The following RELL1 variants were observed in gnomAD, a reference collection of about 807,000 sequenced individuals.
RELL1 encodes RELT like 1.
A neutral mutation model predicts 23.0 loss-of-function variants in RELL1; 10 were observed. That is an observed-to-expected ratio of 0.43 (90% CI 0.27 to 0.74). The LOEUF is 0.74. RELL1 is among the 30% of genes least tolerant of loss of function. RELL1 has a pLI of 0.19. For synonymous variants in RELL1, 146 were observed against 146.8 expected (o/e 0.99, Z 0.04); for missense variants, 315 against 364.4 (o/e 0.86, Z 1.10).
rs552936557 is a variant in RELL1 at position 37,644,501 on chromosome 4, G to A, written c.385+2867C>T. Among the ~76,000 whole-genome samples, 328 of 143,998 alleles carry A rather than the reference G, an allele frequency of 2.3e-3. 2 individuals carry two copies. Among genetic ancestry groups the A allele is most frequent in the African/African-American group, 7.8e-3 (307 of 39,232 alleles). The allele number at this position is 143,998 out of a possible 152,430, so 94.5% of individuals were successfully genotyped here. On this transcript the variant is annotated intron_variant, in intron 3 of 6. Coordinates refer to ENST00000454158, the MANE Select transcript of RELL1 (RefSeq NM_001085400.2). Reference sequence around the variant, plus strand: ...TTTTGAGACAGAGTCTCACTCTGTCGCCCAGGCTGGAGTGCAGTGACAGTG... The same window carrying A: ...TTTTGAGACAGAGTCTCACTCTGTCACCCAGGCTGGAGTGCAGTGACAGTG...
At chr4:37,648,830 T>C (rs967282843) in intron 2 of RELL1, among the ~76,000 whole-genome samples, 4 of 152,260 alleles carry the variant, frequency 2.6e-5, no homozygotes, top group African/African-American at 9.6e-5. Context: ...TATTCGAATC[T>C]GATTCCATAA....
At chr4:37,659,465 G>A (rs182703348) in intron 1 of RELL1, among the ~76,000 whole-genome samples, 10 of 152,294 alleles carry the variant, frequency 6.6e-5, no homozygotes, top group South Asian at 6.2e-4. Flanking sequence ...ACAGAATGGC[G>A]GGGAAATGGC....
intron 1 of RELL1, among the ~76,000 whole-genome samples, chr4:37,664,372 CAA>C (rs11286230): frequency 3.0e-4 from 41 of 134,482 alleles, no homozygotes; most frequent in African/African-American, 4.3e-4. Flanking sequence ...GACTCCATCT[CAA>C]AAAAAAAAAA....
intron 1 of RELL1, among the ~76,000 whole-genome samples, chr4:37,677,309 CACTT>C (rs1174266674): frequency 6.6e-6 from 1 of 152,236 alleles, no homozygotes; most frequent in Non-Finnish European, 1.5e-5. Context: ...GAAAGACACT[CACTT>C]AAGTCCTGGC....
chr4:37,605,291 G>A lies in RELL1; in HGVS notation c.*4-14074C>T, dbSNP rs113398208. ...TGTGTGTACAGGGGGCCTAGTAGCT[G>A]TGACATCCCAGCATCAATGAGGACA... On this transcript the variant is annotated intron_variant, in intron 6 of 6. Transcript: ENST00000314117. 2.4e-4 allele frequency among the ~76,000 whole-genome samples: 36 copies of A among 152,262 alleles called. 2 individuals are homozygous for A. The highest frequency in any genetic ancestry group is 8.7e-4 in the African/African-American group (36 of 41,552).
intron 6 of RELL1, among the ~76,000 whole-genome samples, chr4:37,604,533 CAAA>C (rs1719101532): frequency 2.0e-5 from 3 of 149,020 alleles, no homozygotes; most frequent in Non-Finnish European, 3.0e-5. Context: ...ACGCACACTC[CAAA>C]TCAGAATCCT....
At chr4:37,674,475 G>C (rs1721949999) in intron 1 of RELL1, among the ~76,000 whole-genome samples, 1 of 152,148 alleles carries the variant, frequency 6.6e-6, no homozygotes, top group Non-Finnish European at 1.5e-5. Context: ...TTTGGTGGTT[G>C]TTCTGTGTTT....
intron 6 of RELL1, chr4:37,622,920 T>C: frequency 2.3e-6 from 1 of 429,900 alleles, no homozygotes; most frequent in Non-Finnish European, 4.6e-6. Context: ...CTCTCCTGCC[T>C]CAGCCTCCCG....
At chr4:37,673,814 T>C (rs970456383) in intron 1 of RELL1, among the ~76,000 whole-genome samples, 1 of 152,180 alleles carries the variant, frequency 6.6e-6, no homozygotes. Context: ...TGTTGTCCCC[T>C]ATCCTCCGCA....
intron 6 of RELL1, among the ~76,000 whole-genome samples, chr4:37,593,516 T>C (rs1425413735): frequency 1.4e-5 from 2 of 141,398 alleles, no homozygotes; most frequent in African/African-American, 5.0e-5. Flanking sequence ...CCCCACTCAC[T>C]CTCTATTAAG....
chr4:37,594,831 AGAAT>A (rs990194462), intron 6 of RELL1, among the ~76,000 whole-genome samples: 20 of 152,268 alleles, frequency 1.3e-4, no homozygotes, highest in African/African-American at 4.6e-4. Flanking sequence ...GGCCTTAGAA[AGAAT>A]GAATGAGACA....
rs1560359444 is a variant in RELL1, at chr4:37,673,197, T to TTTTTTC, written c.88+13002_88+13003insGAAAAA. ...TATACTTTTTTTTTCTTTTTTTTTT[T>TTTTTTC]TTTTTTTTTTGAGACAGGGTTTCAC... On this transcript the variant is annotated intron_variant, in intron 1 of 6. Coordinates refer to ENST00000454158, the MANE Select transcript of RELL1 (RefSeq NM_001085400.2). 3.4e-5 allele frequency among the ~76,000 whole-genome samples: 4 copies of TTTTTTC among 116,372 alleles called. 1 individual carries two copies. The highest frequency in any genetic ancestry group is 4.9e-4 in the East Asian group (2 of 4,088). The allele number at this position is 116,372 out of a possible 152,430, so 76.3% of individuals were successfully genotyped here.
intron 1 of RELL1, among the ~76,000 whole-genome samples, chr4:37,684,428 T>A (rs537168464): frequency 1.3e-5 from 2 of 152,142 alleles, no homozygotes; most frequent in African/African-American, 4.8e-5. Context: ...TGGGTGTTGC[T>A]CAGAGGTCAA....
chr4:37,632,096 A>AAC (rs1720160193), intron 5 of RELL1, among the ~76,000 whole-genome samples: 1 of 150,270 alleles, frequency 6.7e-6, no homozygotes, highest in Non-Finnish European at 1.5e-5. Flanking sequence ...AAAAAAAAAA[A>AAC]AAAAAAAAAA....
At chr4:37,662,503 G>A (rs1377463228) in intron 1 of RELL1, among the ~76,000 whole-genome samples, 1 of 151,274 alleles carries the variant, frequency 6.6e-6, no homozygotes, top group East Asian at 1.9e-4. Flanking sequence ...GGGGCACTCA[G>A]AGCATTCCTG....
intron 1 of RELL1, among the ~76,000 whole-genome samples, chr4:37,668,891 G>A (rs1456036130): frequency 2.7e-5 from 4 of 150,254 alleles, no homozygotes; most frequent in East Asian, 2.0e-4. Context: ...TGTGAGGAGC[G>A]TCTCTGCCCG....
At chr4:37,652,447 C>G (rs1720980396) in intron 1 of RELL1, among the ~76,000 whole-genome samples, 1 of 152,188 alleles carries the variant, frequency 6.6e-6, no homozygotes, top group African/African-American at 2.4e-5. Context: ...TTTATTTAAT[C>G]CCTTTTATGG....
chr4:37,659,772 G>A (rs549244295), intron 1 of RELL1, among the ~76,000 whole-genome samples: 27 of 151,776 alleles, frequency 1.8e-4, no homozygotes, highest in East Asian at 9.7e-4. Flanking sequence ...ATGAAGACAC[G>A]AGCCCATCCT....
At chr4:37,636,156 G>A (rs748039225) in intron 4 of RELL1, among the ~76,000 whole-genome samples, 1 of 152,190 alleles carries the variant, frequency 6.6e-6, no homozygotes, top group Non-Finnish European at 1.5e-5. Context: ...CTGCAAATAA[G>A]TGCTGGATCT....
Sources: allele counts gnomAD v4.1 joint callset (sites outside exome capture counted in the v4.1 genomes callset), GRCh38; gene constraint gnomAD v4.1.1; transcripts MANE v1.5; gene names NCBI Gene and HGNC (gene_info 2026-07-23, HGNC 2026-07-21).